Variants in PDXDC1 observed in about 807,000 individuals in gnomAD.
PDXDC1 encodes the protein pyridoxal dependent decarboxylase domain containing 1.
PDXDC1 carries 42 observed loss-of-function variants against 100.1 expected under a neutral mutation model. The ratio of observed to expected loss-of-function variants is 0.42; its 90% CI spans 0.33 to 0.54. The LOEUF is 0.54. Among genes scored for constraint, PDXDC1 ranks in the 20% least tolerant of loss-of-function variants. The probability of loss-of-function intolerance (pLI) is 0.10; values close to 1 mark genes in which losing one functional copy is unlikely to be tolerated. For synonymous variants in PDXDC1, 260 were observed against 371.7 expected (o/e 0.70, Z 3.46); for missense variants, 636 against 979.2 (o/e 0.65, Z 4.68).
intron 1 of PDXDC1, among the ~76,000 whole-genome samples, chr16:14,987,923 T>TC (rs1969767909): frequency 6.6e-6 from 1 of 152,274 alleles, no homozygotes; most frequent in Non-Finnish European, 1.5e-5. Flanking sequence ...GTTTTTTTTT[T>TC]CTGCCAACAT....
chr16:15,033,752 G>T (rs1415391521), intron 19 of PDXDC1, among the ~76,000 whole-genome samples: 1 of 152,196 alleles, frequency 6.6e-6, no homozygotes, highest in Non-Finnish European at 1.5e-5. Context: ...GAGGGTGAAT[G>T]AAATGGGCTG....
rs7200543 is a variant in PDXDC1 at position 15,036,113 on chromosome 16, A to G, written c.2205A>G (p.Leu735=). Residue 735 remains leucine (L), a synonymous_variant, in exon 23 of 23, where the codon CTA becomes CTG. Transcript: ENST00000396410. The part of the protein sequence containing the change: ...HIEDLEKVER[L]SSGPEQITLE... ...AAGACTTAGAAAAGGTGGAGCGCCT[A>G]TCCAGTGGGCCGGAGCAGATCACCC... 506,154 of 1,613,730 alleles carry G rather than the reference A, an allele frequency of 0.31. 82,550 individuals are homozygous for G. The highest frequency in any genetic ancestry group is 0.51 in the Admixed American group (30,629 of 59,990).
chr16:14,987,965 GACATCTTTAT>G (rs1225283647), intron 1 of PDXDC1, among the ~76,000 whole-genome samples: 4 of 150,966 alleles, frequency 2.6e-5, no homozygotes, highest in East Asian at 2.0e-4. Flanking sequence ...CTAACTAATA[GACATCTTTAT>G]ACATCTTTAT....
At chr16:15,067,838 T>A (rs1291846590) in intron 16 of PDXDC1, among the ~76,000 whole-genome samples, 1 of 152,104 alleles carries the variant, frequency 6.6e-6, no homozygotes, top group East Asian at 1.9e-4. Context: ...GCTCACTGCA[T>A]CCTTGACTTC....
chr16:15,081,306 T>C (rs532211056), intron 16 of PDXDC1, among the ~76,000 whole-genome samples: 4 of 152,366 alleles, frequency 2.6e-5, no homozygotes, highest in African/African-American at 4.8e-5. Flanking sequence ...TTTTCCAAAA[T>C]GGCTGCACCA....
At chr16:15,088,892 T>C (rs558115448) in intron 16 of PDXDC1, among the ~76,000 whole-genome samples, 8 of 152,038 alleles carry the variant, frequency 5.3e-5, no homozygotes, top group East Asian at 3.9e-4. Context: ...GGAACAACCA[T>C]GTGCTTAGAG....
chr16:15,039,663 G>A (rs2043718879), downstream of PDXDC1, among the ~76,000 whole-genome samples: 3 of 152,166 alleles, frequency 2.0e-5, no homozygotes, highest in Admixed American at 6.5e-5. Context: ...TCCTCTCTTT[G>A]TAGAACTTTA....
At chr16:15,043,719 G>T (rs557676556) in intron 16 of PDXDC1, among the ~76,000 whole-genome samples, 1 of 152,166 alleles carries the variant, frequency 6.6e-6, no homozygotes, top group Non-Finnish European at 1.5e-5. Flanking sequence ...AGAGGCCGAG[G>T]CAGGTGCATC....
intron 19 of PDXDC1, 37 bp downstream of exon 19, chr16:15,033,436 G>C (rs2043189767): frequency 6.2e-7 from 1 of 1,601,922 alleles, no homozygotes; most frequent in African/African-American, 1.4e-5. Flanking sequence ...CCTCTTCTGA[G>C]TTTTGTCCCA....
At chr16:15,041,068 C>G (rs778360487), downstream of PDXDC1, 1 of 1,595,662 alleles carries the variant, frequency 6.3e-7, no homozygotes, top group Non-Finnish European at 8.6e-7. Flanking sequence ...CACTACTTAC[C>G]AATGCCATAT....
At chr16:15,047,671 A>G in intron 16 of PDXDC1, 1 of 929,876 alleles carries the variant, frequency 1.1e-6, no homozygotes, top group South Asian at 1.4e-5. Context: ...GGAAAAACGG[A>G]CAGGTCTGTG....
chr16:15,076,684 G>C (rs770389349), intron 16 of PDXDC1: 1 of 1,438,530 alleles, frequency 7.0e-7, no homozygotes, highest in South Asian at 1.1e-5. Context: ...AGAATAAAAG[G>C]ATTTAAAAAA....
At chr16:15,133,059 G>C in intron 16 of PDXDC1, 1 of 695,454 alleles carries the variant, frequency 1.4e-6, no homozygotes, top group Non-Finnish European at 2.4e-6. Flanking sequence ...TCCTGGGCGG[G>C]GGCTGCATTG....
chr16:14,996,404 A>G (rs1971969560), intron 1 of PDXDC1: 1 of 425,578 alleles, frequency 2.3e-6, no homozygotes, highest in Non-Finnish European at 4.6e-6. Flanking sequence ...CAAAAGAGCT[A>G]TAACTTATAT....
At chr16:15,099,967 AAGG>A (rs2046483038) in intron 16 of PDXDC1, among the ~76,000 whole-genome samples, 1 of 152,364 alleles carries the variant, frequency 6.6e-6, no homozygotes, top group East Asian at 1.9e-4. Context: ...TTAAGCAGAA[AAGG>A]AGAATTTGTT....
chr16:15,049,773 GT>G (rs2044225951), intron 16 of PDXDC1, among the ~76,000 whole-genome samples: 1 of 152,186 alleles, frequency 6.6e-6, no homozygotes, highest in African/African-American at 2.4e-5. Context: ...AATGGAAAAG[GT>G]AAGTAAATTG....
At chr16:14,982,450 C>T (rs1189992978) in intron 1 of PDXDC1, among the ~76,000 whole-genome samples, 5 of 152,268 alleles carry the variant, frequency 3.3e-5, no homozygotes, top group Non-Finnish European at 5.9e-5. Context: ...TGGTGAAACC[C>T]CATCTCTACT....
At chr16:15,002,797 T>C (rs1255532128) in intron 4 of PDXDC1, among the ~76,000 whole-genome samples, 1 of 152,196 alleles carries the variant, frequency 6.6e-6, no homozygotes, top group East Asian at 1.9e-4. Flanking sequence ...TTCCACACTT[T>C]TCACCTGCAA....
intron 16 of PDXDC1, chr16:15,072,808 G>T: frequency 1.2e-6 from 1 of 812,920 alleles, no homozygotes; most frequent in Non-Finnish European, 1.9e-6. Flanking sequence ...AAAGGAGAAT[G>T]CGATTTTATT....
Sources: allele counts gnomAD v4.1 joint callset (sites outside exome capture counted in the v4.1 genomes callset), GRCh38; gene constraint gnomAD v4.1.1; transcripts MANE v1.5; gene names NCBI Gene and HGNC (gene_info 2026-07-23, HGNC 2026-07-21).